The following NR3C2 variants were observed in gnomAD, a reference collection of about 807,000 sequenced individuals.
NR3C2 encodes the protein nuclear receptor subfamily 3 group C member 2.
NR3C2 carries 15 observed loss-of-function variants against 86.4 expected under a neutral mutation model. That is an observed-to-expected ratio of 0.17 (90% CI 0.12 to 0.27). The LOEUF is 0.27. NR3C2 is among the 10% of genes least tolerant of loss of function. The pLI is 1.00. For synonymous variants in NR3C2, 458 were observed against 450.5 expected (o/e 1.02, Z -0.21); for missense variants, 960 against 1,195.6 (o/e 0.80, Z 2.91).
intron 8 of NR3C2, among the ~76,000 whole-genome samples, chr4:148,092,860 A>G (rs1026521214): frequency 3.3e-5 from 5 of 152,172 alleles, no homozygotes; most frequent in Non-Finnish European, 5.9e-5. Flanking sequence ...CGACGAAGCC[A>G]AAGCTCTACC....
At chr4:148,201,644 C>G (rs1254659182) in intron 3 of NR3C2, among the ~76,000 whole-genome samples, 1 of 146,136 alleles carries the variant, frequency 6.8e-6, no homozygotes, top group Non-Finnish European at 1.5e-5. Context: ...CTCTGCCTGC[C>G]AACCCTGGCT....
chr4:148,102,896 G>A (rs533068664), intron 8 of NR3C2, among the ~76,000 whole-genome samples: 14 of 152,188 alleles, frequency 9.2e-5, no homozygotes, highest in Non-Finnish European at 2.1e-4. Flanking sequence ...TGGAAATGGC[G>A]TTGGACAGAT....
At position 148,299,896 on chromosome 4, in the gene NR3C2, C is replaced by T. The variant is rs180994692; in HGVS notation, c.1758-39779G>A. Among the ~76,000 whole-genome samples, 7 of 152,112 alleles carry T rather than the reference C, an allele frequency of 4.6e-5. No individual in the cohort carries two copies. The South Asian group carries it at 1.0e-3, about 23-fold the overall frequency. On this transcript the variant is annotated intron_variant, in intron 2 of 8. Transcript: ENST00000358102. ...AGGTCCTTTTTTCCCTTTTAGAAGC[C>T]GTGTTACTAGACCAGGACCCCAGCT...
At chr4:148,126,984 C>T (rs1384238506) in intron 6 of NR3C2, among the ~76,000 whole-genome samples, 2 of 152,106 alleles carry the variant, frequency 1.3e-5, no homozygotes, top group Non-Finnish European at 2.9e-5. Context: ...GCCCTTTTTT[C>T]CAGAGTCATA....
chr4:148,136,071 A>AAC (rs1733310273), intron 6 of NR3C2, among the ~76,000 whole-genome samples: 5 of 44,554 alleles, frequency 1.1e-4, no homozygotes, highest in African/African-American at 2.1e-4. Context: ...AAAAAAAAAA[A>AAC]AAAAACAAAA....
chr4:148,179,219 G>A (rs1735535544), intron 4 of NR3C2, among the ~76,000 whole-genome samples: 1 of 151,582 alleles, frequency 6.6e-6, no homozygotes, highest in Non-Finnish European at 1.5e-5. Flanking sequence ...CTGGCCCAAA[G>A]AGAACTGTGT....
At chr4:148,302,071 A>G (rs1026650430) in intron 2 of NR3C2, among the ~76,000 whole-genome samples, 5 of 152,202 alleles carry the variant, frequency 3.3e-5, no homozygotes, top group African/African-American at 1.2e-4. Flanking sequence ...ACTACCATAG[A>G]CATTTTGTTA....
intron 2 of NR3C2, among the ~76,000 whole-genome samples, chr4:148,260,535 G>C (rs1268264747): frequency 1.3e-5 from 2 of 152,030 alleles, no homozygotes; most frequent in African/African-American, 4.8e-5. Context: ...CAGACTCACA[G>C]ATCTCAATTA....
chr4:148,313,969 G>A (rs1743034823), intron 2 of NR3C2, among the ~76,000 whole-genome samples: 1 of 152,184 alleles, frequency 6.6e-6, no homozygotes, highest in South Asian at 2.1e-4. Context: ...TGATGGAAGG[G>A]TCTCATTTAT....
At chr4:148,182,219 T>A (rs1166061464) in intron 4 of NR3C2, among the ~76,000 whole-genome samples, 3 of 152,360 alleles carry the variant, frequency 2.0e-5, no homozygotes, top group East Asian at 3.9e-4. Context: ...TTTTAATTCA[T>A]GTTTTTAATT....
intron 2 of NR3C2, among the ~76,000 whole-genome samples, chr4:148,307,746 G>A (rs187400658): frequency 6.6e-6 from 1 of 151,952 alleles, no homozygotes; most frequent in Non-Finnish European, 1.5e-5. Context: ...AAAACAAGTA[G>A]GTCTTTTAAG....
At chr4:148,153,462 C>T (rs1423042951) in intron 5 of NR3C2, among the ~76,000 whole-genome samples, 3 of 152,162 alleles carry the variant, frequency 2.0e-5, no homozygotes, top group Non-Finnish European at 1.5e-5. Flanking sequence ...CAGGCATGGG[C>T]CACTGCACCA....
rs375772941 is a variant in NR3C2 at position 148,114,113 on chromosome 4, G to A, written c.2790C>T (p.Ser930=). 45 of 1,613,274 alleles carry A rather than the reference G, an allele frequency of 2.8e-5. No individual in the cohort carries two copies. Among genetic ancestry groups the A allele is most frequent in the Non-Finnish European group, 3.6e-5 (43 of 1,179,814 alleles). ...GAGGGGCTCTACTCACGTCATGCAT[G>A]GAGTCCAGCAGCTTGGTCAGTTGGT... ...RFYQLTKLLD[S]MHDLVSDLLE... The change falls in exon 8 of 9, where the codon TCC becomes TCT. Residue 930 remains serine (S), a synonymous_variant. Transcript: ENST00000358102.
intron 3 of NR3C2, among the ~76,000 whole-genome samples, chr4:148,214,395 C>T (rs1737424112): frequency 1.3e-5 from 2 of 151,754 alleles, no homozygotes; most frequent in Non-Finnish European, 2.9e-5. Context: ...CAGAGTAATA[C>T]AACAACTATG....
intron 5 of NR3C2, among the ~76,000 whole-genome samples, chr4:148,153,889 G>A (rs1186954331): frequency 3.3e-5 from 5 of 152,062 alleles, no homozygotes; most frequent in Admixed American, 6.6e-5. Flanking sequence ...GTTATGAGCC[G>A]CTAATAATGT....
chr4:148,110,293 G>T (rs1217549308), intron 8 of NR3C2, among the ~76,000 whole-genome samples: 1 of 152,176 alleles, frequency 6.6e-6, no homozygotes, highest in Non-Finnish European at 1.5e-5. Context: ...GTACCATGTG[G>T]AAGAAATCCA....
At chr4:148,246,996 T>C (rs1739345280) in intron 3 of NR3C2, among the ~76,000 whole-genome samples, 2 of 152,346 alleles carry the variant, frequency 1.3e-5, no homozygotes, top group Non-Finnish European at 2.9e-5. Flanking sequence ...ATTACTTTTA[T>C]TACTATTCCT....
At chr4:148,352,676 A>G (rs1745352905) in intron 2 of NR3C2, among the ~76,000 whole-genome samples, 1 of 151,992 alleles carries the variant, frequency 6.6e-6, no homozygotes, top group South Asian at 2.1e-4. Flanking sequence ...ACAACAACGA[A>G]CTCCCTCTAC....
At chr4:148,192,471 T>A (rs1736242132) in intron 4 of NR3C2, among the ~76,000 whole-genome samples, 1 of 152,200 alleles carries the variant, frequency 6.6e-6, no homozygotes, top group South Asian at 2.1e-4. Flanking sequence ...TGCCAGGAAG[T>A]GGCAATTTCC....
Sources: gnomAD v4.1 joint callset for allele counts (sites outside exome capture counted in the v4.1 genomes callset) on GRCh38, gnomAD v4.1.1 for gene constraint, MANE v1.5 for transcripts, NCBI Gene and HGNC (gene_info 2026-07-23, HGNC 2026-07-21) for gene names.